The following MAP2 variants were observed in gnomAD, a reference collection of about 807,000 sequenced individuals.
MAP2 encodes microtubule associated protein 2.
A neutral mutation model predicts 137.6 loss-of-function variants in MAP2; 14 were observed. The observed-to-expected ratio is 0.10, with a 90% CI of 0.07 to 0.16. MAP2 has a LOEUF of 0.16. Ranked by LOEUF, MAP2 falls within the 10% of genes least tolerant of loss-of-function variation. MAP2 has a pLI of 1.00. For synonymous variants in MAP2, 786 were observed against 782.3 expected (o/e 1.00, Z -0.08); for missense variants, 2,088 against 2,191.5 (o/e 0.95, Z 0.94).
chr2:209,713,394 A>G (rs1423644764), intron 13 of MAP2, among the ~76,000 whole-genome samples: 1 of 152,198 alleles, frequency 6.6e-6, no homozygotes, highest in African/African-American at 2.4e-5. Flanking sequence ...GGCTCAGCTC[A>G]GTGAGTCACA....
chr2:209,725,696 G>A lies in MAP2; in HGVS notation c.5074-13G>A, dbSNP rs375452561. ...TTGAACTATTTTAAGCATGTTTTAT[G>A]TGGTTCACATAGGTACAAATTGTTA... On this transcript the variant is annotated splice_polypyrimidine_tract_variant and intron_variant, in intron 13 of 15. Transcript: ENST00000682079. 7.7e-6 allele frequency: 12 copies of A among 1,555,522 alleles called. No individual in the cohort carries two copies. The African/African-American group carries it at 1.5e-4, about 20-fold the overall frequency.
Position 209,725,499 on chromosome 2 carries a change from C to CT in MAP2, c.5074-207dup, listed in dbSNP as rs2153812058. On this transcript the variant is annotated intron_variant, in intron 13 of 15. Coordinates refer to ENST00000682079, the MANE Select transcript of MAP2 (RefSeq NM_001375505.1). ...ATAAAATCTTCTATTCTAGGGTTTT[C>CT]TTTCACTTGGGTTCTTCTTTCCAAT... Among the ~76,000 whole-genome samples, 2 of 152,268 alleles carry CT rather than the reference C, an allele frequency of 1.3e-5. 1 individual carries two copies. Among genetic ancestry groups the CT allele is most frequent in the African/African-American group, 4.8e-5 (2 of 41,552 alleles).
intron 2 of MAP2, among the ~76,000 whole-genome samples, chr2:209,515,557 T>C (rs918410514): frequency 1.3e-5 from 2 of 152,026 alleles, no homozygotes; most frequent in East Asian, 1.9e-4. Flanking sequence ...TCAGCTCTTA[T>C]GAGAACTCAC....
chr2:209,596,661 T>C (rs1316177080), intron 3 of MAP2, among the ~76,000 whole-genome samples: 1 of 152,134 alleles, frequency 6.6e-6, no homozygotes, highest in Non-Finnish European at 1.5e-5. Flanking sequence ...CAGTAGAAAA[T>C]CATATTTATT....
chr2:209,655,665 A>G (rs1337137604), intron 5 of MAP2, among the ~76,000 whole-genome samples: 1 of 152,224 alleles, frequency 6.6e-6, no homozygotes, highest in Non-Finnish European at 1.5e-5. Context: ...TCCTTTGATG[A>G]TGGAGACTAT....
chr2:209,625,364 C>G (rs902269943), intron 4 of MAP2, among the ~76,000 whole-genome samples: 1 of 152,168 alleles, frequency 6.6e-6, no homozygotes, highest in African/African-American at 2.4e-5. Flanking sequence ...CAAGCTCTTT[C>G]TCTTAAATCA....
Position 209,653,740 on chromosome 2 carries a change from G to GT in MAP2, c.262+317dup, listed in dbSNP as rs199704927. Among the ~76,000 whole-genome samples the GT allele has an allele frequency of 5.0e-4, 76 of 151,656 alleles. 1 individual carries two copies. The East Asian group carries it at 6.6e-3, about 13-fold the overall frequency. On this transcript the variant is annotated intron_variant, in intron 5 of 15. Coordinates refer to ENST00000682079, the MANE Select transcript of MAP2 (RefSeq NM_001375505.1). Reference sequence around the variant, plus strand: ...TCATTGAAAGAAAACTTTACAAATAGTTTTTTTTTAATTCTCTTAAATGAC... The same window carrying GT: ...TCATTGAAAGAAAACTTTACAAATAGTTTTTTTTTTAATTCTCTTAAATGAC...
intron 1 of MAP2, among the ~76,000 whole-genome samples, chr2:209,429,316 A>G (rs1451170689): frequency 1.3e-5 from 2 of 152,146 alleles, no homozygotes; most frequent in Non-Finnish European, 2.9e-5. Flanking sequence ...TTTAAATAAA[A>G]AATTTGGCTA....
At position 209,543,452 on chromosome 2, in the gene MAP2, A is replaced by G. The variant is rs1342808388; in HGVS notation, c.-172+35811A>G. Among the ~76,000 whole-genome samples the G allele has an allele frequency of 3.3e-5, 5 of 152,358 alleles. No homozygotes were observed. In the East Asian group the frequency reaches 9.6e-4, roughly 29 times the overall value. On this transcript the variant is annotated intron_variant, in intron 2 of 15. Transcript: ENST00000682079. The stretch of plus-strand genomic sequence containing the variant: ...AAAATGGCACCGATGGACTTGGTCA[A>G]TGAGTTACCACAAATCTTCAATTTG...
At chr2:209,636,996 G>A (rs962248133) in intron 4 of MAP2, among the ~76,000 whole-genome samples, 5 of 152,104 alleles carry the variant, frequency 3.3e-5, no homozygotes, top group Admixed American at 6.6e-5. Context: ...GTAGAGCTTC[G>A]TCAGGTGAAT....
rs775719274 is a variant in MAP2 at position 209,696,686 on chromosome 2, A to G, written c.4325A>G (p.Glu1442Gly). The part of the protein sequence containing the change: ...KTGRGRISTP[E>G]RKVAKKEPST... ...GGGAGAGGCAGAATTTCCACTCCTG[A>G]AAGAAAAGTAGCTAAAAAGGAACCT... The change falls in exon 9 of 16, where the codon GAA becomes GGA. Residue 1442 changes from glutamate to glycine, a missense_variant. This residue lies in a region of MAP2 where 591 missense variants were observed against 642.6 expected (regional missense o/e 0.92). Coordinates refer to ENST00000682079, the MANE Select transcript of MAP2 (RefSeq NM_001375505.1). The G allele has an allele frequency of 6.2e-7, 1 of 1,614,078 alleles. No homozygotes were observed. Among genetic ancestry groups the G allele is most frequent in the East Asian group, 2.2e-5 (1 of 44,840 alleles).
chr2:209,513,757 A>G (rs2062058636), intron 2 of MAP2, among the ~76,000 whole-genome samples: 2 of 152,094 alleles, frequency 1.3e-5, no homozygotes, highest in Admixed American at 6.6e-5. Flanking sequence ...CAGGCTGTCA[A>G]AATGAAAGCA....
At chr2:209,426,724 G>A (rs1030494915) in intron 1 of MAP2, among the ~76,000 whole-genome samples, 2 of 152,172 alleles carry the variant, frequency 1.3e-5, no homozygotes, top group African/African-American at 4.8e-5. Context: ...TTCCACTGAG[G>A]TTAAAGGGAT....
intron 2 of MAP2, among the ~76,000 whole-genome samples, chr2:209,553,302 C>T (rs1311491167): frequency 2.6e-5 from 4 of 152,044 alleles, no homozygotes; most frequent in Admixed American, 6.5e-5. Flanking sequence ...TGAGCCACCG[C>T]GCCCAGCCTA....
intron 2 of MAP2, among the ~76,000 whole-genome samples, chr2:209,511,465 C>T (rs756743827): frequency 2.0e-5 from 3 of 152,168 alleles, no homozygotes; most frequent in African/African-American, 7.2e-5. Context: ...TTTGCAATTG[C>T]ACTTGACTAT....
At chr2:209,567,418 C>T (rs948554151) in intron 2 of MAP2, among the ~76,000 whole-genome samples, 1 of 151,904 alleles carries the variant, frequency 6.6e-6, no homozygotes, top group African/African-American at 2.4e-5. Flanking sequence ...GAAGGCAAAA[C>T]AAAGATAATG....
intron 13 of MAP2, among the ~76,000 whole-genome samples, chr2:209,718,926 G>A (rs190586006): frequency 1.3e-4 from 20 of 152,224 alleles, no homozygotes; most frequent in African/African-American, 4.1e-4. Flanking sequence ...TTCAATCTTC[G>A]GGAATATCTG....
chr2:209,602,729 T>C (rs1195258332), intron 3 of MAP2, among the ~76,000 whole-genome samples: 1 of 152,224 alleles, frequency 6.6e-6, no homozygotes, highest in African/African-American at 2.4e-5. Flanking sequence ...TAGCGGATTC[T>C]GAGCATGCCA....
intron 12 of MAP2, among the ~76,000 whole-genome samples, chr2:209,709,126 G>A (rs2064505697): frequency 2.0e-5 from 3 of 152,156 alleles, no homozygotes; most frequent in African/African-American, 7.2e-5. Flanking sequence ...ATGCATCTCA[G>A]ATCCTGTATA....
Sources: gnomAD v4.1 joint callset for allele counts (sites outside exome capture counted in the v4.1 genomes callset) on GRCh38, gnomAD v4.1.1 for gene constraint, gnomAD v4.1.1 regional missense constraint, MANE v1.5 for transcripts, NCBI Gene and HGNC (gene_info 2026-07-23, HGNC 2026-07-21) for gene names.